Variants in KCNH1 observed in about 807,000 individuals in gnomAD.
The protein encoded by KCNH1 is potassium voltage-gated channel subfamily H member 1.
KCNH1 carries 27 observed loss-of-function variants against 69.2 expected under a neutral mutation model. That is an observed-to-expected ratio of 0.39 (90% CI 0.29 to 0.54). The LOEUF (loss-of-function observed/expected upper bound fraction) is 0.54. KCNH1 is among the 20% of genes least tolerant of loss of function. The pLI, the probability that KCNH1 is intolerant of heterozygous loss-of-function variation, is 0.68. For synonymous variants in KCNH1, 456 were observed against 487.7 expected (o/e 0.93, Z 0.86); for missense variants, 798 against 1,261.6 (o/e 0.63, Z 5.57).
intron 10 of KCNH1, among the ~76,000 whole-genome samples, chr1:210,728,285 C>A (rs141500966): frequency 1.3e-5 from 2 of 152,094 alleles, no homozygotes; most frequent in Non-Finnish European, 2.9e-5. Context: ...GAGCCTGAGA[C>A]CACATGAAAG....
intron 5 of KCNH1, among the ~76,000 whole-genome samples, chr1:211,053,550 C>T (rs143820038): frequency 3.3e-3 from 495 of 152,288 alleles, no homozygotes; most frequent in Non-Finnish European, 5.8e-3. Flanking sequence ...GGAAACTCAT[C>T]ATCTATCTAG....
intron 10 of KCNH1, among the ~76,000 whole-genome samples, chr1:210,699,709 C>T (rs943458589): frequency 6.6e-6 from 1 of 152,180 alleles, no homozygotes; most frequent in African/African-American, 2.4e-5. Context: ...AAATGTTTCA[C>T]CAGTGGAGCC....
chr1:210,978,018 C>T (rs564508179), intron 6 of KCNH1, among the ~76,000 whole-genome samples: 1 of 151,260 alleles, frequency 6.6e-6, no homozygotes, highest in East Asian at 1.9e-4. Flanking sequence ...CTTATTGAGT[C>T]ATTGGTGTTA....
intron 6 of KCNH1, among the ~76,000 whole-genome samples, chr1:210,955,333 C>T (rs866509103): frequency 1.2e-4 from 18 of 152,076 alleles, no homozygotes; most frequent in Non-Finnish European, 1.6e-4. Flanking sequence ...AGTCAGGTAG[C>T]GTGATGCCTC....
chr1:211,073,403 C>G (rs1690681015), intron 5 of KCNH1, among the ~76,000 whole-genome samples: 1 of 152,104 alleles, frequency 6.6e-6, no homozygotes, highest in South Asian at 2.1e-4. Context: ...ACTACTTTGT[C>G]CAACAATAGC....
rs367722512 is a variant in KCNH1 at position 210,683,543 on chromosome 1, C to T, written c.2708G>A (p.Arg903Gln). The T allele has an allele frequency of 5.0e-6, 8 of 1,614,108 alleles. No homozygotes were observed. Among genetic ancestry groups the T allele is most frequent in the Non-Finnish European group, 5.9e-6 (7 of 1,180,026 alleles). Reference protein sequence around the residue: ...NVGEARSPQDRSPILAEVKHS... With the variant: ...NVGEARSPQDQSPILAEVKHS... ...CTTGACCTCTGCCAGGATGGGACTCCGATCCTGGGGACTCCTGGCCTCACC... is the reference window on the plus strand; with the variant it reads ...CTTGACCTCTGCCAGGATGGGACTCTGATCCTGGGGACTCCTGGCCTCACC... The change falls in exon 11 of 11, where the codon CGG (arginine) becomes CAG (glutamine). Residue 903 changes from arginine (R) to glutamine (Q), a missense_variant. Coordinates refer to ENST00000271751, the MANE Select transcript of KCNH1 (RefSeq NM_172362.3). The surrounding 1 kb of genome is among the most constrained non-coding windows in gnomAD (Gnocchi z 5.7).
chr1:211,090,732 C>T, intron 3 of KCNH1, 42 bp from the exon 4 acceptor site: 4 of 1,566,126 alleles, frequency 2.6e-6, no homozygotes, highest in South Asian at 1.2e-5. Flanking sequence ...TTTGCATTCT[C>T]ATTTGAGGGG....
intron 5 of KCNH1, among the ~76,000 whole-genome samples, chr1:211,038,375 T>C (rs1689935606): frequency 1.3e-5 from 2 of 152,188 alleles, no homozygotes; most frequent in African/African-American, 4.8e-5. Flanking sequence ...GTCTCAGGTA[T>C]GTCTTTATCA....
chr1:211,009,628 A>G (rs549840456), intron 6 of KCNH1, among the ~76,000 whole-genome samples: 2 of 148,416 alleles, frequency 1.3e-5, no homozygotes, highest in East Asian at 4.0e-4. Context: ...TTTTTTTTTG[A>G]GATGGAGTCG....
At chr1:210,895,601 T>G (rs1251482629) in intron 7 of KCNH1, among the ~76,000 whole-genome samples, 1 of 152,090 alleles carries the variant, frequency 6.6e-6, no homozygotes, top group Non-Finnish European at 1.5e-5. Flanking sequence ...TGTCTCCCCT[T>G]GGCAATAGAA....
intron 5 of KCNH1, among the ~76,000 whole-genome samples, chr1:211,067,443 G>A (rs1273573606): frequency 6.6e-6 from 1 of 152,154 alleles, no homozygotes; most frequent in African/African-American, 2.4e-5. Context: ...TTATCTAGCT[G>A]GCAATCTTTG....
intron 6 of KCNH1, among the ~76,000 whole-genome samples, chr1:211,000,763 T>C (rs1387300198): frequency 1.3e-5 from 2 of 152,124 alleles, no homozygotes; most frequent in African/African-American, 2.4e-5. Flanking sequence ...CTTCAAACTA[T>C]ACTACAAGGC....
intron 10 of KCNH1, among the ~76,000 whole-genome samples, chr1:210,709,148 C>T (rs115023887): frequency 0.017 from 2,600 of 152,268 alleles, 36 homozygotes; most frequent in Middle Eastern, 0.031. Context: ...ACTCAGGAGG[C>T]TGAAGCAAAA....
chr1:210,862,196 G>C, intron 7 of KCNH1: 1 of 1,260,164 alleles, frequency 7.9e-7, no homozygotes, highest in Non-Finnish European at 1.2e-6. Flanking sequence ...AGAGATTTGT[G>C]TGCTTCATTG....
chr1:211,027,612 A>G (rs546425010), intron 5 of KCNH1, among the ~76,000 whole-genome samples: 38 of 152,270 alleles, frequency 2.5e-4, no homozygotes, highest in African/African-American at 8.9e-4. Context: ...AGAAAAAAAA[A>G]AGCAAAATGA....
chr1:210,914,682 G>A (rs1005942411), intron 7 of KCNH1, among the ~76,000 whole-genome samples: 2 of 152,074 alleles, frequency 1.3e-5, no homozygotes, highest in Non-Finnish European at 2.9e-5. Flanking sequence ...AATCAGGATG[G>A]TATCTGGCCC....
chr1:210,737,820 A>T (rs1471724050), intron 10 of KCNH1, among the ~76,000 whole-genome samples: 1 of 152,232 alleles, frequency 6.6e-6, no homozygotes, highest in African/African-American at 2.4e-5. Context: ...AACTTAGACT[A>T]AGTCACCATT....
intron 6 of KCNH1, among the ~76,000 whole-genome samples, chr1:210,976,342 A>C (rs1181507242): frequency 6.8e-6 from 1 of 148,050 alleles, no homozygotes; most frequent in Non-Finnish European, 1.5e-5. Flanking sequence ...AAAGACTTGG[A>C]ACCAACCCAA....
chr1:211,092,259 C>G (rs1691065999), intron 3 of KCNH1, among the ~76,000 whole-genome samples: 1 of 152,168 alleles, frequency 6.6e-6, no homozygotes, highest in South Asian at 2.1e-4. Context: ...AAACTCTGTA[C>G]TAAACACCAG....
Sources: allele counts gnomAD v4.1 joint callset (sites outside exome capture counted in the v4.1 genomes callset), GRCh38; gene constraint gnomAD v4.1.1; non-coding constraint Gnocchi (gnomAD v3.1); transcripts MANE v1.5; gene names NCBI Gene and HGNC (gene_info 2026-07-23, HGNC 2026-07-21).